PCDH9: variants seen among roughly 807,000 people sequenced by gnomAD.
PCDH9 encodes the protein protocadherin 9, also known as protocadherin-9.
In PCDH9, 24 loss-of-function variants were observed where a neutral mutation model predicts 70.6. The observed-to-expected ratio is 0.34, with a 90% confidence interval of 0.25 to 0.48. PCDH9 has a LOEUF of 0.48. Ranked by LOEUF, PCDH9 falls within the 20% of genes least tolerant of loss-of-function variation. The pLI, the probability that PCDH9 is intolerant of heterozygous loss-of-function variation, is 0.99. For synonymous variants in PCDH9, 562 were observed against 558.5 expected (o/e 1.01, Z -0.09); for missense variants, 1,281 against 1,503.6 (o/e 0.85, Z 2.45).
chr13:66,760,816 GT>G (rs2079614647), intron 3 of PCDH9, among the ~76,000 whole-genome samples: 1 of 152,100 alleles, frequency 6.6e-6, no homozygotes, highest in Non-Finnish European at 1.5e-5. Flanking sequence ...CCAGGGGGAG[GT>G]CTCGAAAATG....
At chr13:67,051,958 TATG>T (rs1416488175) in intron 2 of PCDH9, among the ~76,000 whole-genome samples, 3 of 152,170 alleles carry the variant, frequency 2.0e-5, no homozygotes, top group African/African-American at 4.8e-5. Context: ...TTAGCTATTA[TATG>T]ATATTATTAA....
At chr13:67,001,333 G>A (rs144353387) in intron 2 of PCDH9, among the ~76,000 whole-genome samples, 1 of 152,308 alleles carries the variant, frequency 6.6e-6, no homozygotes, top group African/African-American at 2.4e-5. Context: ...TGTCTTGAGA[G>A]TTTTAAGAAT....
At chr13:66,379,272 C>T (rs1401800843) in intron 4 of PCDH9, among the ~76,000 whole-genome samples, 1 of 152,142 alleles carries the variant, frequency 6.6e-6, no homozygotes, top group Non-Finnish European at 1.5e-5. Context: ...AACTTACAAA[C>T]AGGTTTTTCG....
chr13:66,975,209 A>C (rs1025525833), intron 2 of PCDH9, among the ~76,000 whole-genome samples: 18 of 152,144 alleles, frequency 1.2e-4, no homozygotes, highest in African/African-American at 3.8e-4. Flanking sequence ...CAGAAATCTA[A>C]ATGACCTCAA....
At chr13:67,091,322 G>A (rs974040333) in intron 2 of PCDH9, among the ~76,000 whole-genome samples, 1 of 152,062 alleles carries the variant, frequency 6.6e-6, no homozygotes, top group Non-Finnish European at 1.5e-5. Flanking sequence ...AACACTTCAT[G>A]AAAAATGCAA....
chr13:66,562,541 G>T lies in PCDH9; in HGVS notation c.3340+68669C>A, dbSNP rs919802754. Among the ~76,000 whole-genome samples, 3 of 152,298 alleles carry T rather than the reference G, an allele frequency of 2.0e-5. No homozygotes were observed. The South Asian group carries it at 6.2e-4, about 32-fold the overall frequency. On this transcript the variant is annotated intron_variant, in intron 4 of 4. Transcript: ENST00000377865. ...AAAGGCATGTCTTACATGGTAGCAG[G>T]CAAGAGAGCATGTGCAGGGGAACTG... is the stretch of plus-strand genomic sequence containing the variant.
At chr13:66,975,832 T>C (rs2083608947) in intron 2 of PCDH9, among the ~76,000 whole-genome samples, 1 of 152,014 alleles carries the variant, frequency 6.6e-6, no homozygotes, top group East Asian at 1.9e-4. Flanking sequence ...AGAGGCAATA[T>C]ATTTATACAC....
chr13:66,827,969 C>G (rs2080854547), intron 3 of PCDH9, among the ~76,000 whole-genome samples: 1 of 151,872 alleles, frequency 6.6e-6, no homozygotes, highest in African/African-American at 2.4e-5. Context: ...CCTATTATTC[C>G]TTTTTATCTT....
At chr13:66,664,860 A>G (rs1345569216) in intron 3 of PCDH9, among the ~76,000 whole-genome samples, 1 of 151,886 alleles carries the variant, frequency 6.6e-6, no homozygotes, top group African/African-American at 2.4e-5. Flanking sequence ...CCATCCCTAC[A>G]TCCCATGATA....
chr13:67,068,075 A>G (rs986281628), intron 2 of PCDH9, among the ~76,000 whole-genome samples: 26 of 152,150 alleles, frequency 1.7e-4, no homozygotes, highest in Non-Finnish European at 3.2e-4. Flanking sequence ...AACAAGTATA[A>G]TAAATATAAG....
At chr13:66,925,463 ATT>A (rs2082702967) in intron 2 of PCDH9, among the ~76,000 whole-genome samples, 1 of 151,874 alleles carries the variant, frequency 6.6e-6, no homozygotes, top group Non-Finnish European at 1.5e-5. Flanking sequence ...CACAGATCTG[ATT>A]TAACTAAGTG....
intron 2 of PCDH9, among the ~76,000 whole-genome samples, chr13:67,191,229 A>G (rs1411684819): frequency 3.3e-5 from 5 of 152,162 alleles, no homozygotes; most frequent in African/African-American, 9.6e-5. Context: ...ACATAATTTT[A>G]TAACTACTTT....
intron 3 of PCDH9, among the ~76,000 whole-genome samples, chr13:66,717,184 G>A (rs1421025133): frequency 1.3e-5 from 2 of 151,898 alleles, no homozygotes; most frequent in African/African-American, 2.4e-5. Flanking sequence ...GGCCGGGCAC[G>A]GTGGCTCACG....
intron 4 of PCDH9, among the ~76,000 whole-genome samples, chr13:66,372,870 G>A (rs561912113): frequency 6.6e-6 from 1 of 151,996 alleles, no homozygotes; most frequent in African/African-American, 2.4e-5. Context: ...AGGGTGCCTT[G>A]TAACATAGAT....
chr13:67,082,208 A>G (rs920748679), intron 2 of PCDH9, among the ~76,000 whole-genome samples: 3 of 152,192 alleles, frequency 2.0e-5, no homozygotes, highest in Admixed American at 1.3e-4. Context: ...GTCATATTGC[A>G]TAACTGAAAA....
intron 3 of PCDH9, chr13:66,859,165 A>G (rs1353027369): frequency 6.6e-6 from 1 of 152,204 alleles, no homozygotes; most frequent in Non-Finnish European, 1.5e-5. Flanking sequence ...CTGTCATGTT[A>G]GTTTACACAT....
chr13:66,339,987 A>G (rs1956099349), intron 4 of PCDH9, among the ~76,000 whole-genome samples: 1 of 152,196 alleles, frequency 6.6e-6, no homozygotes, highest in Non-Finnish European at 1.5e-5. Flanking sequence ...ACTTACTGAC[A>G]TGAACTTCCT....
At chr13:67,156,465 G>A (rs2087815635) in intron 2 of PCDH9, among the ~76,000 whole-genome samples, 1 of 151,996 alleles carries the variant, frequency 6.6e-6, no homozygotes, top group African/African-American at 2.4e-5. Flanking sequence ...CGCCGGCACT[G>A]TCCCGGTGGG....
chr13:66,830,111 T>C (rs1208281758), intron 3 of PCDH9, among the ~76,000 whole-genome samples: 1 of 152,152 alleles, frequency 6.6e-6, no homozygotes, highest in Non-Finnish European at 1.5e-5. Context: ...ATATGCAACA[T>C]GAACTTCGAT....
Sources: allele counts gnomAD v4.1 joint callset (sites outside exome capture counted in the v4.1 genomes callset), GRCh38; gene constraint gnomAD v4.1.1; transcripts MANE v1.5; gene names NCBI Gene and HGNC (gene_info 2026-07-23, HGNC 2026-07-21).